SMC3: variants seen among roughly 807,000 people sequenced by gnomAD.
SMC3 encodes structural maintenance of chromosomes 3.
In SMC3, 20 loss-of-function variants were observed where a neutral mutation model predicts 171.8. The observed-to-expected ratio is 0.12, with a 90% CI of 0.08 to 0.17. SMC3 has a LOEUF of 0.17. Ranked by LOEUF, SMC3 falls within the 10% of genes least tolerant of loss-of-function variation. The pLI is 1.00. For synonymous variants in SMC3, 464 were observed against 451.1 expected (o/e 1.03, Z -0.36); for missense variants, 543 against 1,420.4 (o/e 0.38, Z 9.93).
At chr10:110,598,109 C>T (rs1305493416) in intron 19 of SMC3, 30 bp from the exon 20 acceptor site, 1 of 1,601,572 alleles carries the variant, frequency 6.2e-7, no homozygotes, top group African/African-American at 1.3e-5. Context: ...TATTTACAAC[C>T]TGGAGATAAT....
Position 110,601,691 on chromosome 10 carries a change from G to A in SMC3, c.2699G>A (p.Ser900Asn), listed in dbSNP as rs755944078. Reference protein sequence around the residue: ...TEAGIKELQKSMERWKNMEKE... With the variant: ...TEAGIKELQKNMERWKNMEKE... ...GCTGGAATTAAGGAGCTTCAGAAGA[G>A]TATGGAGCGCTGGAAAAATATGGAA... Residue 900 changes from serine to asparagine, a missense_variant, in exon 24 of 29, where the codon AGT (serine) becomes AAT (asparagine). This residue lies in a region of SMC3 where 81 missense variants were observed against 184.2 expected (regional missense o/e 0.44). Transcript: ENST00000361804. The A allele has an allele frequency of 6.2e-7, 1 of 1,612,758 alleles. No individual in the cohort carries two copies. The highest frequency in any genetic ancestry group is 8.5e-7 in the Non-Finnish European group (1 of 1,179,278).
At chr10:110,569,854 C>G (rs1188854894) in intron 2 of SMC3, among the ~76,000 whole-genome samples, 1 of 152,178 alleles carries the variant, frequency 6.6e-6, no homozygotes, top group Non-Finnish European at 1.5e-5. Context: ...GCTGATACAG[C>G]TAACAAAAAT....
At chr10:110,587,706 A>AG (rs1554882965) in intron 13 of SMC3, among the ~76,000 whole-genome samples, 15 of 150,414 alleles carry the variant, frequency 1.0e-4, no homozygotes, top group African/African-American at 1.7e-4. Context: ...AAAAAAAAAA[A>AG]GAAATATTGT....
At position 110,582,633 on chromosome 10, in the gene SMC3, T is replaced by C. The variant is rs1403446874; in HGVS notation, c.795T>C (p.Asp265=). The change falls in exon 10 of 29, where the codon GAT becomes GAC. Residue 265 remains aspartate (D), a synonymous_variant. Coordinates refer to ENST00000361804, the MANE Select transcript of SMC3 (RefSeq NM_005445.4). ...GAGATGCTCAGCAGGATGCAAGAGA[T>C]AAAATGGAGGTAAGATTATAAACAA... ...QLRDAQQDAR[D]KMEDIERQVR... is the part of the protein sequence containing the mutation. The C allele has an allele frequency of 1.9e-6, 3 of 1,610,112 alleles. No homozygotes were observed. The highest frequency in any genetic ancestry group is 2.6e-6 in the Non-Finnish European group (3 of 1,176,472).
rs769499237 is a variant in SMC3, at chr10:110,602,987, A to C, written c.3460A>C (p.Arg1154=). ...TGACCAGGCTCTGGATGCTCAGCAC[A>C]GAAAGGCTGTGTCAGGTACAGTTTC... ...EIDQALDAQH[R]KAVSDMIMEL... is the part of the protein sequence containing the mutation. The change falls in exon 27 of 29, where the codon AGA becomes CGA. Residue 1154 remains arginine, a synonymous_variant. Transcript: ENST00000361804. 1.9e-5 allele frequency: 31 copies of C among 1,614,200 alleles called. 1 individual carries two copies. The highest frequency in any genetic ancestry group is 1.4e-5 in the Non-Finnish European group (16 of 1,180,030).
At chr10:110,599,992 G>A (rs932757498) in intron 21 of SMC3, among the ~76,000 whole-genome samples, 180 bp downstream of exon 21, 4 of 151,828 alleles carry the variant, frequency 2.6e-5, no homozygotes, top group Non-Finnish European at 2.9e-5. Context: ...ATCTAGCTAG[G>A]TTAGGATTAT....
At chr10:110,596,849 T>TA (rs1486763952) in intron 19 of SMC3, among the ~76,000 whole-genome samples, 4 of 149,336 alleles carry the variant, frequency 2.7e-5, no homozygotes, top group African/African-American at 9.8e-5. Flanking sequence ...ATTGTACAAG[T>TA]AAAACCTTGG....
At chr10:110,594,305 G>T (rs1490424691) in intron 18 of SMC3, among the ~76,000 whole-genome samples, 1 of 150,864 alleles carries the variant, frequency 6.6e-6, no homozygotes, top group South Asian at 2.1e-4. Context: ...AATTGTATTC[G>T]CATGGTTATT....
intron 11 of SMC3, 129 bp from the exon 12 acceptor site, chr10:110,583,711 CT>C: frequency 8.2e-7 from 1 of 1,226,610 alleles, no homozygotes; most frequent in Admixed American, 2.1e-5. Flanking sequence ...CCCTTTGTTT[CT>C]TACATTAAAA....
At position 110,581,973 on chromosome 10, in the gene SMC3, T is replaced by C. The variant is rs1473571625; in HGVS notation, c.598T>C (p.Leu200=). The part of the protein sequence containing the change: ...NELLKYIEER[L]HTLEEEKEEL... The stretch of plus-strand genomic sequence containing the variant: ...GTTGTTAAAATACATTGAAGAGAGA[T>C]TACATACTCTAGAGGAAGAAAAGGA... The change falls in exon 9 of 29, where the codon TTA becomes CTA. Residue 200 remains leucine (L), a synonymous_variant. Coordinates refer to ENST00000361804, the MANE Select transcript of SMC3 (RefSeq NM_005445.4). 1 of 1,613,346 alleles carries C rather than the reference T, an allele frequency of 6.2e-7. No individual in the cohort carries two copies. The highest frequency in any genetic ancestry group is 2.2e-5 in the East Asian group (1 of 44,798).
At position 110,569,674 on chromosome 10, in the gene SMC3, T is replaced by C. The variant is rs184725266; in HGVS notation, c.91+661T>C. On this transcript the variant is annotated intron_variant, in intron 2 of 28. Transcript: ENST00000361804. Reference sequence around the variant, plus strand: ...GTGGCACACGTTCTTTTTCACTTTCTGAGAAGCTTCAGTTTTCTCATTTGT... The same window carrying C: ...GTGGCACACGTTCTTTTTCACTTTCCGAGAAGCTTCAGTTTTCTCATTTGT... Among the ~76,000 whole-genome samples the C allele has an allele frequency of 4.6e-5, 7 of 152,310 alleles. No individual in the cohort carries two copies. The East Asian group carries it at 1.2e-3, about 25-fold the overall frequency.
chr10:110,567,834 A>G lies in SMC3; in HGVS notation c.15+3A>G, dbSNP rs1860796312. The G allele has an allele frequency of 2.5e-6, 4 of 1,613,452 alleles. No homozygotes were observed. In the East Asian group the frequency reaches 8.9e-5, roughly 36 times the overall value. On this transcript the variant is annotated splice_donor_region_variant and intron_variant, in intron 1 of 28. Transcript: ENST00000361804. ...CCGGAATCATGTACATAAAGCAGGTAAGGCCTTCGCGTCCCTCCACCCCGT... is the reference window on the plus strand; with the variant it reads ...CCGGAATCATGTACATAAAGCAGGTGAGGCCTTCGCGTCCCTCCACCCCGT...
At chr10:110,599,263 A>G (rs1473079887) in intron 20 of SMC3, among the ~76,000 whole-genome samples, 2 of 152,002 alleles carry the variant, frequency 1.3e-5, no homozygotes, top group African/African-American at 4.8e-5. Flanking sequence ...ACACCCAGCT[A>G]ATTTTTGTAT....
chr10:110,578,135 G>A (rs1367432043), intron 6 of SMC3, among the ~76,000 whole-genome samples: 1 of 151,846 alleles, frequency 6.6e-6, no homozygotes, highest in African/African-American at 2.4e-5. Flanking sequence ...GTGCAGTGGC[G>A]CAGTCTCGGC....
chr10:110,590,351 C>G, intron 15 of SMC3, 61 bp from the exon 16 acceptor site: 2 of 1,405,226 alleles, frequency 1.4e-6, no homozygotes, highest in Non-Finnish European at 1.0e-6. Flanking sequence ...TGGGCTCATT[C>G]CTTACCAGGA....
At position 110,598,227 on chromosome 10, in the gene SMC3, A is replaced by G. The variant is rs764137886; in HGVS notation, c.2205A>G (p.Ile735Met). The change falls in exon 20 of 29, where the codon ATA (isoleucine) becomes ATG (methionine). Residue 735 changes from isoleucine to methionine, a missense_variant. Transcript: ENST00000361804. ...QRKFKASRDS[I>M]LSEMKMLKEK... ...AATTTAAAGCATCTAGAGATAGCAT[A>G]TTATCAGAAATGAAGATGCTAAAAG... The G allele has an allele frequency of 1.2e-6, 2 of 1,613,920 alleles. No homozygotes were observed. Among genetic ancestry groups the G allele is most frequent in the Non-Finnish European group, 1.7e-6 (2 of 1,179,836 alleles).
At chr10:110,598,587 G>A (rs1861336949) in intron 20 of SMC3, among the ~76,000 whole-genome samples, 1 of 152,006 alleles carries the variant, frequency 6.6e-6, no homozygotes, top group Non-Finnish European at 1.5e-5. Context: ...TGTGTTTTTA[G>A]TAGACATGGG....
rs754057128 is a variant in SMC3, at chr10:110,578,602, A to C, written c.351-26A>C. The C allele has an allele frequency of 7.3e-5, 113 of 1,556,694 alleles. 1 individual carries two copies. The East Asian group carries it at 2.6e-3, about 35-fold the overall frequency. On this transcript the variant is annotated intron_variant, in intron 6 of 28. Transcript: ENST00000361804. ...ATGGTGCTTTAAAATTATTTATCGG[A>C]AAGTAATTTCATTGTTTGTCAACAG...
intron 2 of SMC3, among the ~76,000 whole-genome samples, chr10:110,573,399 T>C (rs1860900575): frequency 6.7e-6 from 1 of 149,006 alleles, no homozygotes; most frequent in African/African-American, 2.4e-5. Context: ...ATATATCCAT[T>C]GTAATATGAT....
Sources: gnomAD v4.1 joint callset for allele counts (sites outside exome capture counted in the v4.1 genomes callset) on GRCh38, gnomAD v4.1.1 for gene constraint, gnomAD v4.1.1 regional missense constraint, MANE v1.5 for transcripts, NCBI Gene and HGNC (gene_info 2026-07-23, HGNC 2026-07-21) for gene names.